The following SEL1L2 variants were observed in gnomAD, a reference collection of about 807,000 sequenced individuals.
The protein encoded by SEL1L2 is SEL1L2 adaptor subunit of SYVN1 ubiquitin ligase, also known as protein sel-1 homolog 2.
In SEL1L2, 89 loss-of-function variants were observed where a neutral mutation model predicts 98.8. That is an observed-to-expected ratio of 0.90 (90% CI 0.76 to 1.07). SEL1L2 has a LOEUF of 1.07. Ranked by LOEUF, SEL1L2 falls within the 50% of genes least tolerant of loss-of-function variation. The pLI, the probability that SEL1L2 is intolerant of heterozygous loss-of-function variation, is 0.00. For missense variants in SEL1L2, 788 were observed against 812.0 expected (o/e 0.97, Z 0.36); for synonymous variants, 262 against 278.5 (o/e 0.94, Z 0.59).
At chr20:13,926,415 C>G (rs552982241) in intron 3 of SEL1L2, among the ~76,000 whole-genome samples, 1 of 152,308 alleles carries the variant, frequency 6.6e-6, no homozygotes, top group Non-Finnish European at 1.5e-5. Flanking sequence ...AACTGCGATG[C>G]GGGCTCACTT....
At chr20:13,893,822 C>T (rs6042420) in intron 5 of SEL1L2, among the ~76,000 whole-genome samples, 28 of 152,206 alleles carry the variant, frequency 1.8e-4, no homozygotes, top group African/African-American at 6.0e-4. Context: ...TTAAATCATA[C>T]CAAATATCTT....
chr20:13,929,722 G>A (rs553715059), intron 3 of SEL1L2, among the ~76,000 whole-genome samples: 2 of 151,368 alleles, frequency 1.3e-5, no homozygotes, highest in East Asian at 3.9e-4. Context: ...GGATGGTCTC[G>A]ATCTCCTGAC....
intron 1 of SEL1L2, among the ~76,000 whole-genome samples, chr20:13,967,094 G>T (rs2051080408): frequency 6.6e-6 from 1 of 151,600 alleles, no homozygotes; most frequent in Non-Finnish European, 1.5e-5. Context: ...TATTGACCAG[G>T]CTGGTCTTGA....
At chr20:13,972,288 T>C (rs1220626407) in intron 1 of SEL1L2, among the ~76,000 whole-genome samples, 2 of 152,226 alleles carry the variant, frequency 1.3e-5, no homozygotes, top group African/African-American at 4.8e-5. Context: ...TATTCACGTT[T>C]CTTTGTTTAA....
At chr20:13,905,627 AATACTTG>A (rs111658245) in intron 5 of SEL1L2, among the ~76,000 whole-genome samples, 27 of 152,078 alleles carry the variant, frequency 1.8e-4, no homozygotes, top group African/African-American at 6.5e-4. Flanking sequence ...CCTATACCTT[AATACTTG>A]AGCATTGTCA....
At chr20:13,991,994 T>C (rs759908810), upstream of SEL1L2, among the ~76,000 whole-genome samples, 1 of 151,528 alleles carries the variant, frequency 6.6e-6, no homozygotes, top group Non-Finnish European at 1.5e-5. Flanking sequence ...AGCGACAGAG[T>C]GAGACTCCAT....
At chr20:13,970,872 T>C (rs968151930) in intron 1 of SEL1L2, among the ~76,000 whole-genome samples, 4 of 149,400 alleles carry the variant, frequency 2.7e-5, no homozygotes, top group African/African-American at 9.8e-5. Context: ...TTAATAGAAA[T>C]TAATATTCCT....
At chr20:13,946,515 G>A (rs1478923277) in intron 2 of SEL1L2, among the ~76,000 whole-genome samples, 2 of 152,224 alleles carry the variant, frequency 1.3e-5, no homozygotes, top group African/African-American at 2.4e-5. Context: ...AAATGATGAT[G>A]GTGGTGGCCC....
intron 2 of SEL1L2, among the ~76,000 whole-genome samples, chr20:13,946,114 G>A (rs2049996313): frequency 6.6e-6 from 1 of 152,134 alleles, no homozygotes. Flanking sequence ...AGTACTGAAA[G>A]TCCTAGCCAC....
At chr20:13,932,346 T>G (rs575004618) in intron 2 of SEL1L2, among the ~76,000 whole-genome samples, 1 of 151,932 alleles carries the variant, frequency 6.6e-6, no homozygotes, top group Non-Finnish European at 1.5e-5. Flanking sequence ...TAAATATTCA[T>G]GATTTACCTA....
intron 18 of SEL1L2, among the ~76,000 whole-genome samples, chr20:13,855,035 G>T (rs1390559498): frequency 7.6e-6 from 1 of 131,042 alleles, no homozygotes; most frequent in Non-Finnish European, 1.6e-5. Flanking sequence ...TGGTGACAGA[G>T]CGAGACTCCG....
rs1409533405 is a variant in SEL1L2 at position 13,849,369 on chromosome 20, C to T, written c.*116G>A. On this transcript the variant is annotated 3_prime_UTR_variant, in exon 20 of 20. Coordinates refer to ENST00000284951, the MANE Select transcript of SEL1L2 (RefSeq NM_025229.2). The stretch of plus-strand genomic sequence containing the variant: ...CCCAAGTCTTGTCTGTTTCCCATCA[C>T]AGCCCTGAGCGGGAAACTGCAGCGG... 4 of 1,328,142 alleles carry T rather than the reference C, an allele frequency of 3.0e-6. No homozygotes were observed. The highest frequency in any genetic ancestry group is 2.3e-5 in the East Asian group (1 of 42,862). The allele number at this position is 1,328,142 out of a possible 1,614,324, so 82.3% of individuals were successfully genotyped here. A position where few individuals can be genotyped will look rare whatever the true frequency, so the allele number is the denominator to read the frequency against.
chr20:13,917,496 C>T (rs1423158307), intron 4 of SEL1L2, among the ~76,000 whole-genome samples: 1 of 152,184 alleles, frequency 6.6e-6, no homozygotes, highest in Non-Finnish European at 1.5e-5. Context: ...ATAATTTACA[C>T]ATGTAAAGTA....
intron 12 of SEL1L2, 150 bp from the exon 13 acceptor site, chr20:13,870,353 T>C (rs2046126699): frequency 1.7e-6 from 1 of 578,944 alleles, no homozygotes; most frequent in African/African-American, 1.9e-5. Context: ...TAGTTCCTCC[T>C]TTTATACTTT....
At chr20:13,939,369 A>G (rs1009020682) in intron 2 of SEL1L2, among the ~76,000 whole-genome samples, 1 of 151,926 alleles carries the variant, frequency 6.6e-6, no homozygotes, top group African/African-American at 2.4e-5. Context: ...TAATCTCTTA[A>G]GCAGAATATC....
intron 1 of SEL1L2, among the ~76,000 whole-genome samples, chr20:13,963,305 A>C (rs1199032346): frequency 6.8e-6 from 1 of 147,982 alleles, no homozygotes; most frequent in East Asian, 2.0e-4. Context: ...TTGCTAGCCA[A>C]TATCTTGACT....
At chr20:13,915,153 A>G (rs761698000) in intron 4 of SEL1L2, 1 of 1,289,736 alleles carries the variant, frequency 7.8e-7, no homozygotes, top group South Asian at 1.2e-5. Context: ...CTGAGGCTAA[A>G]ATAAGCTGCT....
intron 1 of SEL1L2, among the ~76,000 whole-genome samples, chr20:13,988,108 T>C (rs992131067): frequency 2.0e-5 from 3 of 152,216 alleles, no homozygotes; most frequent in African/African-American, 7.2e-5. Context: ...TCTTTAGCTA[T>C]ATGTGTAGGT....
At chr20:13,931,833 C>A in intron 2 of SEL1L2, 62 bp from the exon 3 acceptor site, 1 of 1,324,716 alleles carries the variant, frequency 7.5e-7, no homozygotes, top group Admixed American at 2.8e-5. Context: ...AATGAAACAA[C>A]AGGAAAGTGA....
Sources: allele counts gnomAD v4.1 joint callset (sites outside exome capture counted in the v4.1 genomes callset), GRCh38; gene constraint gnomAD v4.1.1; transcripts MANE v1.5; gene names NCBI Gene and HGNC (gene_info 2026-07-23, HGNC 2026-07-21).